AMPD2: variants seen among roughly 807,000 people sequenced by gnomAD.
AMPD2 encodes the protein adenosine monophosphate deaminase 2.
AMPD2 carries 52 observed loss-of-function variants against 91.3 expected under a neutral mutation model. That is an observed-to-expected ratio of 0.57 (90% CI 0.46 to 0.72). AMPD2 has a LOEUF of 0.72. Ranked by LOEUF, AMPD2 falls within the 30% of genes least tolerant of loss-of-function variation. The pLI is 0.00. For missense variants in AMPD2, 822 were observed against 1,122.3 expected (o/e 0.73, Z 3.82); for synonymous variants, 455 against 456.4 (o/e 1.00, Z 0.04).
At chr1:109,623,876 G>A (rs985006752) in intron 2 of AMPD2, 9 of 389,582 alleles carry the variant, frequency 2.3e-5, no homozygotes, top group African/African-American at 4.4e-5. Context: ...TCTGGAGTTC[G>A]TCTTATCTCC....
intron 2 of AMPD2, among the ~76,000 whole-genome samples, chr1:109,621,869 C>T (rs997527255): frequency 5.3e-5 from 8 of 152,218 alleles, no homozygotes; most frequent in Non-Finnish European, 8.8e-5. Flanking sequence ...CAGGTCCGTG[C>T]AGGGTTCAGG....
rs982118760 is a variant in AMPD2 at position 109,628,758 on chromosome 1, G to A, written c.1523G>A (p.Arg508His). 2.5e-6 allele frequency: 4 copies of A among 1,590,304 alleles called. No homozygotes were observed. The highest frequency in any genetic ancestry group is 2.3e-5 in the East Asian group (1 of 43,424). Residue 508 changes from arginine to histidine, a missense_variant, in exon 13 of 19, where the codon CGC (arginine) becomes CAC (histidine). By Grantham distance (29) the Arg-to-His change is conservative. Coordinates refer to ENST00000528667, the MANE Select transcript of AMPD2 (RefSeq NM_001368809.2). The surrounding 1 kb of genome is among the most constrained non-coding windows in gnomAD (Gnocchi z 7.1). The stretch of plus-strand genomic sequence containing the variant: ...CTGGCGCGCTGGGCCGTCATGCACC[G>A]CGTGCACTCCCCCAACGTGCGCTGG... ...DKLARWAVMH[R>H]VHSPNVRWLV... is the part of the protein sequence containing the mutation.
chr1:109,621,248 G>T lies in AMPD2; in HGVS notation c.73G>T (p.Ala25Ser), dbSNP rs943933650. The T allele has an allele frequency of 1.9e-5, 31 of 1,612,882 alleles. No individual in the cohort carries two copies. Among genetic ancestry groups the T allele is most frequent in the Non-Finnish European group, 2.5e-5 (29 of 1,179,594 alleles). The change falls in exon 2 of 19, where the codon GCC (alanine) becomes TCC (serine). Residue 25 changes from alanine to serine, a missense_variant. Transcript: ENST00000528667. ...YPFKKRASLQ[A>S]STAAPEARGG... ...CTTTAAGAAGCGGGCCAGCCTGCAGGCCTCCACTGCAGCTCCAGGTGAGTG... is the reference window on the plus strand; with the variant it reads ...CTTTAAGAAGCGGGCCAGCCTGCAGTCCTCCACTGCAGCTCCAGGTGAGTG...
Position 109,627,768 on chromosome 1 carries a change from GC to G in AMPD2, c.951-3del. On this transcript the variant is annotated splice_polypyrimidine_tract_variant and splice_region_variant and intron_variant, in intron 9 of 18. Coordinates refer to ENST00000528667, the MANE Select transcript of AMPD2 (RefSeq NM_001368809.2). ...TAAGTCCCTGCCTTGTTCTCCTCATGCCCAGAAAGTCATTCTGCTACCGCCG... is the reference window on the plus strand; with the variant it reads ...TAAGTCCCTGCCTTGTTCTCCTCATGCCAGAAAGTCATTCTGCTACCGCCG... 3.7e-6 allele frequency: 6 copies of G among 1,613,700 alleles called. No homozygotes were observed. The highest frequency in any genetic ancestry group is 4.2e-6 in the Non-Finnish European group (5 of 1,179,874).
intron 2 of AMPD2, among the ~76,000 whole-genome samples, chr1:109,623,394 C>T (rs2101147760): frequency 6.6e-6 from 1 of 152,336 alleles, no homozygotes; most frequent in South Asian, 2.1e-4. Flanking sequence ...ACAGTTTGTC[C>T]TGTCCCTGAT....
At chr1:109,630,473 G>T (rs528638359) in intron 17 of AMPD2, 67 bp downstream of exon 17, 1 of 1,314,320 alleles carries the variant, frequency 7.6e-7, no homozygotes. Context: ...GGGTTGGGTG[G>T]GGGGCGGTGG....
At position 109,628,831 on chromosome 1, in the gene AMPD2, G is replaced by A; in HGVS notation, c.1571+25G>A. On this transcript the variant is annotated intron_variant, in intron 13 of 18. Coordinates refer to ENST00000528667, the MANE Select transcript of AMPD2 (RefSeq NM_001368809.2). The surrounding 1 kb of genome is among the most constrained non-coding windows in gnomAD (Gnocchi z 7.1). ...TGTGAGTGTCCCTGGAGTGGGAGGG[G>A]AACCTGCGGGGTCATATTCAAGGGG... The A allele has an allele frequency of 1.3e-6, 2 of 1,546,148 alleles. No homozygotes were observed. Among genetic ancestry groups the A allele is most frequent in the Non-Finnish European group, 1.7e-6 (2 of 1,143,430 alleles).
chr1:109,630,620 G>A, intron 17 of AMPD2, 63 bp from the exon 18 acceptor site: 4 of 1,436,630 alleles, frequency 2.8e-6, no homozygotes, highest in Non-Finnish European at 2.8e-6. Context: ...TGAGGAGGCT[G>A]GGGAAGGGAG....
At position 109,629,374 on chromosome 1, in the gene AMPD2, T is replaced by C; in HGVS notation, c.1746T>C (p.His582=). 1 of 1,614,130 alleles carries C rather than the reference T, an allele frequency of 6.2e-7. No homozygotes were observed. Among genetic ancestry groups the C allele is most frequent in the Non-Finnish European group, 8.5e-7 (1 of 1,180,006 alleles). Residue 582 remains histidine (H), a synonymous_variant, in exon 15 of 19, where the codon CAT becomes CAC. Coordinates refer to ENST00000528667, the MANE Select transcript of AMPD2 (RefSeq NM_001368809.2). The part of the protein sequence containing the change: ...SVDDESKPEN[H]VFNLESPLPE... ...ATGATGAGTCCAAGCCTGAAAACCATGTCTTCAACCTGGAGAGCCCCCTGC... is the reference window on the plus strand; with the variant it reads ...ATGATGAGTCCAAGCCTGAAAACCACGTCTTCAACCTGGAGAGCCCCCTGC...
intron 7 of AMPD2, 51 bp from the exon 8 acceptor site, chr1:109,627,124 T>G (rs1650753789): frequency 6.2e-7 from 1 of 1,608,538 alleles, no homozygotes. Context: ...GGTTGGGCAG[T>G]GGGTGGCTTG....
chr1:109,619,889 T>C lies in AMPD2; in HGVS notation c.-652T>C. On this transcript the variant is annotated 5_prime_UTR_variant, in exon 1 of 19. Transcript: ENST00000528667. Reference sequence around the variant, plus strand: ...GGCGAGATTTTGGTGGGGTCTCACCTGTTGCGTGACTCCCCCACAGTCCGG... The same window carrying C: ...GGCGAGATTTTGGTGGGGTCTCACCCGTTGCGTGACTCCCCCACAGTCCGG... The C allele has an allele frequency of 3.2e-6, 1 of 307,902 alleles. No individual in the cohort carries two copies. The highest frequency in any genetic ancestry group is 6.3e-6 in the Non-Finnish European group (1 of 157,904). 19.1% of individuals were successfully genotyped at this position (307,902 alleles called of 1,614,324 possible). A position where few individuals can be genotyped will look rare whatever the true frequency, so the allele number is the denominator to read the frequency against.
Position 109,629,391 on chromosome 1 carries a change from G to A in AMPD2, c.1763G>A (p.Ser588Asn). Residue 588 changes from serine to asparagine, a missense_variant, in exon 15 of 19, where the codon AGC becomes AAC. Transcript: ENST00000528667. The part of the protein sequence containing the change: ...KPENHVFNLE[S>N]PLPEAWVEED... ...GAAAACCATGTCTTCAACCTGGAGA[G>A]CCCCCTGCCTGAGGCGTGGGTGGAG... 1.2e-6 allele frequency: 2 copies of A among 1,614,140 alleles called. No individual in the cohort carries two copies.
intron 4 of AMPD2, 80 bp from the exon 5 acceptor site, chr1:109,626,080 G>A: frequency 6.8e-7 from 1 of 1,476,546 alleles, no homozygotes; most frequent in Non-Finnish European, 9.4e-7. Flanking sequence ...CATGTGCACA[G>A]CACCTAGTGC....
In AMPD2 at chr1:109,625,606, G is replaced by A. The variant is rs780039212; in HGVS notation, c.223-56G>A. 1 of 1,607,042 alleles carries A rather than the reference G, an allele frequency of 6.2e-7. No individual in the cohort carries two copies. The highest frequency in any genetic ancestry group is 8.5e-7 in the Non-Finnish European group (1 of 1,174,994). ...CCTCACCCCATCCCCAGACTCTGTA[G>A]GAGAGTGCCCGAGGGCGGAGGGCCA... On this transcript the variant is annotated intron_variant, in intron 3 of 18. Coordinates refer to ENST00000528667, the MANE Select transcript of AMPD2 (RefSeq NM_001368809.2). This position sits in a 1 kb window ranked among gnomAD's most constrained non-coding sequence, Gnocchi z 4.0.
chr1:109,627,594 C>G (rs1650817392), intron 9 of AMPD2, 76 bp downstream of exon 9: 1 of 1,570,950 alleles, frequency 6.4e-7, no homozygotes, highest in East Asian at 2.2e-5. Context: ...GCCCCAGACT[C>G]CCATCACCTG....
At chr1:109,620,529 T>C in intron 1 of AMPD2, 2 of 1,240,980 alleles carry the variant, frequency 1.6e-6, no homozygotes, top group South Asian at 2.2e-5. Context: ...GGGAGGTAGC[T>C]ATTTGGCGAC....
Position 109,626,618 on chromosome 1 carries a change from G to A in AMPD2, c.532-108G>A, listed in dbSNP as rs567213314. ...CAGGGTGATCTGAGTGTTCCTGGGG[G>A]TCAGGGCCTGTGGGAGGTGGGGATA... On this transcript the variant is annotated intron_variant, in intron 6 of 18. Transcript: ENST00000528667. 2.7e-6 allele frequency: 4 copies of A among 1,461,856 alleles called. No individual in the cohort carries two copies. The South Asian group carries it at 3.9e-5, about 14-fold the overall frequency. 90.6% of individuals were successfully genotyped at this position (1,461,856 alleles called of 1,614,324 possible).
rs1375922794 is a variant in AMPD2, at chr1:109,628,829, G to A, written c.1571+23G>A. 6 of 1,546,096 alleles carry A rather than the reference G, an allele frequency of 3.9e-6. No homozygotes were observed. Among genetic ancestry groups the A allele is most frequent in the Non-Finnish European group, 5.2e-6 (6 of 1,143,498 alleles). On this transcript the variant is annotated intron_variant, in intron 13 of 18. Transcript: ENST00000528667. This position sits in a 1 kb window ranked among gnomAD's most constrained non-coding sequence, Gnocchi z 7.1. ...CTTGTGAGTGTCCCTGGAGTGGGAG[G>A]GGAACCTGCGGGGTCATATTCAAGG... is the stretch of plus-strand genomic sequence containing the variant.
chr1:109,622,421 C>A, intron 2 of AMPD2: 1 of 392,916 alleles, frequency 2.5e-6, no homozygotes, highest in Non-Finnish European at 5.1e-6. Context: ...GCAGTCGTGG[C>A]AGTGTGTGAG....
Sources: allele counts gnomAD v4.1 joint callset (sites outside exome capture counted in the v4.1 genomes callset), GRCh38; gene constraint gnomAD v4.1.1; non-coding constraint Gnocchi (gnomAD v3.1); transcripts MANE v1.5; gene names NCBI Gene and HGNC (gene_info 2026-07-23, HGNC 2026-07-21).